NADSYN1: variants seen among roughly 807,000 people sequenced by gnomAD.
NADSYN1 encodes the protein glutamine-dependent NAD(+) synthetase.
NADSYN1 carries 80 observed loss-of-function variants against 99.3 expected under a neutral mutation model. The ratio of observed to expected loss-of-function variants is 0.81; its 90% CI spans 0.67 to 0.97. The LOEUF is 0.97. NADSYN1 is among the 50% of genes least tolerant of loss of function. NADSYN1 has a pLI of 0.00. For missense variants in NADSYN1, 859 were observed against 948.5 expected, an observed-to-expected ratio of 0.91 and a Z score of 1.24; for synonymous variants, 385 against 372.1, an observed-to-expected ratio of 1.03 and a Z score of -0.40.
chr11:71,464,542 TAGTTACAA>T (rs1286587574), intron 5 of NADSYN1: 1 of 157,178 alleles, frequency 6.4e-6, no homozygotes, highest in Non-Finnish European at 1.4e-5. Context: ...CTGTCTGAAG[TAGTTACAA>T]AGTTATTTAC....
intron 9 of NADSYN1, chr11:71,477,485 G>C (rs112057460): frequency 7.8e-7 from 1 of 1,276,958 alleles, no homozygotes; most frequent in Middle Eastern, 2.2e-4. Context: ...GCGCAAGGTG[G>C]CCACGGCCAT....
At chr11:71,487,826 G>A (rs1466402748) in intron 16 of NADSYN1, among the ~76,000 whole-genome samples, 12 of 43,262 alleles carry the variant, frequency 2.8e-4, no homozygotes, top group African/African-American at 5.5e-4. Flanking sequence ...GCAAGACTCC[G>A]TCTCAAAAAA....
intron 9 of NADSYN1, chr11:71,476,248 G>A (rs4944062): frequency 1.1e-5 from 4 of 372,868 alleles, no homozygotes; most frequent in Non-Finnish European, 2.1e-5. Flanking sequence ...CTCTGCTCTT[G>A]TTGGGAATGG....
rs1381411211 is a variant in NADSYN1 at position 71,488,534 on chromosome 11, G to A, written c.1563-2311G>A. ...AGAGCTGTTTTGGAAAGTGTGCGGCGTGTCGGGCAGAGGGAGGTGTGAGAC... is the reference window on the plus strand; with the variant it reads ...AGAGCTGTTTTGGAAAGTGTGCGGCATGTCGGGCAGAGGGAGGTGTGAGAC... On this transcript the variant is annotated intron_variant, in intron 16 of 20. Coordinates refer to ENST00000319023, the MANE Select transcript of NADSYN1 (RefSeq NM_018161.5). Among the ~76,000 whole-genome samples, 4 of 152,156 alleles carry A rather than the reference G, an allele frequency of 2.6e-5. No individual in the cohort carries two copies. In the South Asian group the frequency reaches 8.3e-4, roughly 32 times the overall value.
chr11:71,456,261 A>T (rs183648341), intron 2 of NADSYN1, among the ~76,000 whole-genome samples: 6 of 152,356 alleles, frequency 3.9e-5, no homozygotes, highest in Non-Finnish European at 8.8e-5. Flanking sequence ...TACCACCTTC[A>T]AATAGGGCTG....
At chr11:71,463,030 G>A (rs1949560516) in intron 3 of NADSYN1, among the ~76,000 whole-genome samples, 1 of 152,190 alleles carries the variant, frequency 6.6e-6, no homozygotes, top group Non-Finnish European at 1.5e-5. Context: ...GGTTCCACCT[G>A]TCCCAGGTGG....
At chr11:71,481,635 G>A (rs1020882112) in intron 12 of NADSYN1, 3 of 607,098 alleles carry the variant, frequency 4.9e-6, no homozygotes, top group African/African-American at 3.7e-5. Flanking sequence ...CAGCCCATCA[G>A]CATTCAGGGT....
chr11:71,492,028 C>A, intron 18 of NADSYN1, 125 bp downstream of exon 18: 1 of 850,232 alleles, frequency 1.2e-6, no homozygotes, highest in Non-Finnish European at 1.8e-6. Flanking sequence ...GGGTCCCTGG[C>A]CTGGGTGCCC....
At chr11:71,464,021 C>G in intron 4 of NADSYN1, 32 bp from the exon 5 acceptor site, 5 of 1,557,446 alleles carry the variant, frequency 3.2e-6, no homozygotes, top group Non-Finnish European at 4.4e-6. Flanking sequence ...CTCAGGAGCC[C>G]GGTGTGCACA....
chr11:71,483,725 C>T (rs1309060537), intron 14 of NADSYN1, among the ~76,000 whole-genome samples: 1 of 152,200 alleles, frequency 6.6e-6, no homozygotes, highest in Non-Finnish European at 1.5e-5. Context: ...GGGACCCGAA[C>T]AGATACTTGT....
At chr11:71,458,643 C>T in intron 3 of NADSYN1, 99 bp downstream of exon 3, 1 of 854,852 alleles carries the variant, frequency 1.2e-6, no homozygotes, top group East Asian at 2.4e-5. Flanking sequence ...GTGGAACATC[C>T]ATGTGTCCAG....
In NADSYN1 at chr11:71,485,596, C is replaced by T. The variant is rs1371823830; in HGVS notation, c.1510C>T (p.Arg504Trp). The part of the protein sequence containing the change: ...YLFAQLSLWS[R>W]GVHGGLLVLG... Reference sequence around the variant, plus strand: ...GTTTGCTCAGTTGAGCCTCTGGTCTCGGGGTGTCCACGGTGGGCTCCTCGT... The same window carrying T: ...GTTTGCTCAGTTGAGCCTCTGGTCTTGGGGTGTCCACGGTGGGCTCCTCGT... Residue 504 changes from arginine (R) to tryptophan (W), a missense_variant, in exon 16 of 21, where the codon CGG becomes TGG. Physicochemically the swap from Arg to Trp is moderately radical, Grantham distance 101 (BLOSUM62 -3). Transcript: ENST00000319023. 26 of 1,562,720 alleles carry T rather than the reference C, an allele frequency of 1.7e-5. No individual in the cohort carries two copies. The highest frequency in any genetic ancestry group is 3.8e-5 in the Admixed American group (2 of 52,036).
rs577392176 is a variant in NADSYN1, at chr11:71,491,913, G to C, written c.1764+10G>C. 2.5e-6 allele frequency: 4 copies of C among 1,613,086 alleles called. No homozygotes were observed. In the East Asian group the frequency reaches 6.7e-5, roughly 27 times the overall value. ...GTCCCAGACCGACGAGGTAATGGCG[G>C]TGGCTTTGCCATGATGCTTCCTGCC... On this transcript the variant is annotated intron_variant, in intron 18 of 20. Transcript: ENST00000319023.
intron 3 of NADSYN1, 155 bp downstream of exon 3, chr11:71,458,699 T>A (rs1949529314): frequency 1.6e-6 from 1 of 611,384 alleles, no homozygotes; most frequent in South Asian, 1.9e-5. Flanking sequence ...TGTTCCTATC[T>A]CAGCCCCGTA....
chr11:71,464,167 T>G (rs760063424), intron 5 of NADSYN1, 25 bp downstream of exon 5: 1 of 1,572,958 alleles, frequency 6.4e-7, no homozygotes, highest in East Asian at 2.3e-5. Flanking sequence ...TGACCACTCC[T>G]GGGATGTGCG....
In NADSYN1 at chr11:71,478,393, A is replaced by G. The variant is rs1178802020; in HGVS notation, c.799-2A>G. 4.4e-6 allele frequency: 7 copies of G among 1,602,766 alleles called. No homozygotes were observed. Among genetic ancestry groups the G allele is most frequent in the South Asian group, 1.1e-5 (1 of 88,846 alleles). The stretch of plus-strand genomic sequence containing the variant: ...GGTTCTCTTTGAAATTTCCTTCTCC[A>G]GGAAGTCCTGACGGCCACGCTGGAT... On this transcript the variant is annotated splice_acceptor_variant, in intron 9 of 20. Coordinates refer to ENST00000319023, the MANE Select transcript of NADSYN1 (RefSeq NM_018161.5). LOFTEE classifies it high-confidence loss of function.
chr11:71,463,505 C>T lies in NADSYN1; in HGVS notation c.317+20C>T, dbSNP rs1949564746. 6.2e-7 allele frequency: 1 copy of T among 1,611,278 alleles called. No individual in the cohort carries two copies. The highest frequency in any genetic ancestry group is 1.3e-5 in the African/African-American group (1 of 74,860). On this transcript the variant is annotated intron_variant, in intron 4 of 20. Coordinates refer to ENST00000319023, the MANE Select transcript of NADSYN1 (RefSeq NM_018161.5). Reference sequence around the variant, plus strand: ...CAACAGGTAGGCCCCCTGCCCCCACCCCGGGAGGGTGACTGGGGCCTCTCC... The same window carrying T: ...CAACAGGTAGGCCCCCTGCCCCCACTCCGGGAGGGTGACTGGGGCCTCTCC...
intron 16 of NADSYN1, among the ~76,000 whole-genome samples, chr11:71,487,856 G>GA (rs1949753062): frequency 7.1e-6 from 1 of 141,676 alleles, no homozygotes; most frequent in Non-Finnish European, 1.6e-5. Flanking sequence ...AAAAAGAAAA[G>GA]AAAAGAAAAT....
At chr11:71,485,885 T>C (rs372760825) in intron 16 of NADSYN1, among the ~76,000 whole-genome samples, 1 of 152,172 alleles carries the variant, frequency 6.6e-6, no homozygotes, top group East Asian at 1.9e-4. Flanking sequence ...TCATCTCTAC[T>C]GCGCCTCAAA....
Sources: gnomAD v4.1 joint callset for allele counts (sites outside exome capture counted in the v4.1 genomes callset) on GRCh38, gnomAD v4.1.1 for gene constraint, MANE v1.5 for transcripts, NCBI Gene and HGNC (gene_info 2026-07-23, HGNC 2026-07-21) for gene names.